Variants in PARVB observed in about 807,000 individuals in gnomAD.
PARVB encodes parvin beta.
In PARVB, 46 loss-of-function variants were observed where a neutral mutation model predicts 47.0. The ratio of observed to expected loss-of-function variants is 0.98; its 90% confidence interval spans 0.77 to 1.25. The LOEUF is 1.25. Among genes scored for constraint, PARVB ranks in the 50% most tolerant of loss-of-function variants. The pLI is 0.00. For missense variants in PARVB, 473 were observed against 471.6 expected, an observed-to-expected ratio of 1.00 and a Z score of -0.03; for synonymous variants, 196 against 196.3, an observed-to-expected ratio of 1.00 and a Z score of 0.01.
intron 1 of PARVB, among the ~76,000 whole-genome samples, chr22:44,041,815 G>T (rs2051024140): frequency 6.6e-6 from 1 of 152,290 alleles, no homozygotes; most frequent in South Asian, 2.1e-4. Flanking sequence ...AGCATGGAAG[G>T]CTGAGGCTGC....
At chr22:44,117,820 C>A (rs2052944528) in intron 3 of PARVB, among the ~76,000 whole-genome samples, 1 of 88,442 alleles carries the variant, frequency 1.1e-5, no homozygotes, top group African/African-American at 7.8e-5. Flanking sequence ...GTTACTGGGA[C>A]CAATGAGATC....
At chr22:44,043,360 A>G (rs1449204914) in intron 1 of PARVB, among the ~76,000 whole-genome samples, 1 of 152,110 alleles carries the variant, frequency 6.6e-6, no homozygotes, top group Non-Finnish European at 1.5e-5. Context: ...AAAATCATTG[A>G]ATTGTACACT....
At chr22:44,111,295 A>C (rs1055999559) in intron 3 of PARVB, 1 of 152,252 alleles carries the variant, frequency 6.6e-6, no homozygotes, top group East Asian at 1.9e-4. Context: ...GAGTGACTCA[A>C]GGTCACACAG....
At chr22:44,114,212 T>C (rs1601622783) in intron 3 of PARVB, 2 of 93,152 alleles carry the variant, frequency 2.1e-5, no homozygotes, top group African/African-American at 9.4e-5. Flanking sequence ...ACAGATACAT[T>C]GTTACTAAGT....
chr22:44,084,556 C>T (rs1009019718), intron 1 of PARVB, among the ~76,000 whole-genome samples: 8 of 152,226 alleles, frequency 5.3e-5, no homozygotes, highest in African/African-American at 2.4e-5. Context: ...GCCAAGGGTA[C>T]TCCCAGGTCT....
At chr22:44,014,167 G>A (rs527446661) in intron 2 of PARVB, among the ~76,000 whole-genome samples, 9 of 152,314 alleles carry the variant, frequency 5.9e-5, no homozygotes, top group African/African-American at 9.6e-5. Flanking sequence ...CAATGTTTCC[G>A]TTTGTTCAAA....
chr22:44,094,403 TA>T (rs879321179), intron 2 of PARVB, among the ~76,000 whole-genome samples: 1 of 152,058 alleles, frequency 6.6e-6, no homozygotes, highest in South Asian at 2.1e-4. Flanking sequence ...CGCCACACCA[TA>T]GCACACCATG....
chr22:44,131,432 G>C lies in PARVB; in HGVS notation c.377-55G>C, dbSNP rs951314723. ...GCTGGGATTACAGGCATGAGCCACT[G>C]CGCCTGGCCCTTCCAGCTTTTTCTG... is the stretch of plus-strand genomic sequence containing the variant. On this transcript the variant is annotated intron_variant, in intron 4 of 12. Transcript: ENST00000338758. 4.4e-6 allele frequency: 7 copies of C among 1,592,106 alleles called. No individual in the cohort carries two copies. In the East Asian group the frequency reaches 1.6e-4, roughly 36 times the overall value.
chr22:44,090,122 T>C (rs1160075708), intron 1 of PARVB, among the ~76,000 whole-genome samples: 1 of 152,208 alleles, frequency 6.6e-6, no homozygotes, highest in Non-Finnish European at 1.5e-5. Context: ...GTGAGGAAGT[T>C]CCTGTGAGGC....
chr22:44,075,124 T>C (rs543131505), intron 1 of PARVB, among the ~76,000 whole-genome samples: 10 of 152,078 alleles, frequency 6.6e-5, no homozygotes, highest in Admixed American at 6.5e-4. Flanking sequence ...TCGTCCCCAG[T>C]TGAGATCCGC....
At chr22:44,018,221 G>A (rs1032571545) in intron 2 of PARVB, among the ~76,000 whole-genome samples, 5 of 152,048 alleles carry the variant, frequency 3.3e-5, no homozygotes, top group African/African-American at 1.2e-4. Flanking sequence ...GGCCAACATG[G>A]TGAAACCCTG....
In PARVB at chr22:44,036,452, C is replaced by A. The variant is rs1424660923; in HGVS notation, c.112+12001C>A. Among the ~76,000 whole-genome samples, 6 of 151,898 alleles carry A rather than the reference C, an allele frequency of 4.0e-5. No individual in the cohort carries two copies. In the East Asian group the frequency reaches 9.7e-4, roughly 24 times the overall value. ...GATGAGTATCTACATATATTTTATG[C>A]ATTTGTCGCATATCTAACTTTTTCT... On this transcript the variant is annotated intron_variant, in intron 1 of 12. Transcript: ENST00000338758.
At chr22:44,099,973 A>G (rs986925199) in intron 2 of PARVB, 80 bp from the exon 3 acceptor site, 2 of 1,110,382 alleles carry the variant, frequency 1.8e-6, no homozygotes, top group Non-Finnish European at 1.4e-6. Context: ...TTTGTCAGAG[A>G]TGAGTTGGCC....
chr22:44,162,309 A>AT (rs1044777937), intron 11 of PARVB, among the ~76,000 whole-genome samples: 5 of 152,170 alleles, frequency 3.3e-5, no homozygotes, highest in South Asian at 2.1e-4. Context: ...CGTTGAAAGG[A>AT]TTTTTTGTTT....
At chr22:44,039,703 T>C in intron 1 of PARVB, 1 of 373,704 alleles carries the variant, frequency 2.7e-6, no homozygotes, top group South Asian at 1.9e-5. Context: ...GGAATGATCC[T>C]GGGCAGTGTC....
rs541980315 is a variant in PARVB at position 44,168,401 on chromosome 22, G to T, written c.1019-201G>T. The T allele has an allele frequency of 5.4e-5, 30 of 551,004 alleles. 1 individual carries two copies. The South Asian group carries it at 6.0e-4, about 11-fold the overall frequency. The allele number at this position is 551,004 out of a possible 1,614,324, so 34.1% of individuals were successfully genotyped here. On this transcript the variant is annotated intron_variant, in intron 12 of 12. Coordinates refer to ENST00000338758, the MANE Select transcript of PARVB (RefSeq NM_013327.5). ...CTGTCCCCGCAGGGTGTCAGCCCGC[G>T]CCAGGAGCTCTCACAAAACCTGTGT...
At chr22:44,111,099 T>C (rs934664262) in intron 3 of PARVB, 1 of 152,034 alleles carries the variant, frequency 6.6e-6, no homozygotes, top group Non-Finnish European at 1.5e-5. Context: ...GGCTTCTCTG[T>C]GTTTTTCATT....
At chr22:44,149,775 C>G (rs987438838) in intron 9 of PARVB, 5 of 126,582 alleles carry the variant, frequency 4.0e-5, no homozygotes, top group African/African-American at 1.3e-4. Flanking sequence ...AGGGGTGGAG[C>G]TCTCTGTGTT....
intron 4 of PARVB, among the ~76,000 whole-genome samples, chr22:44,122,500 G>GAGAGAGAGAGACAGAGAGAC (rs1569134115): frequency 1.0e-4 from 9 of 88,824 alleles, no homozygotes; most frequent in African/African-American, 7.9e-4. Context: ...GAGAGAGAGA[G>GAGAGAGAGAGACAGAGAGAC]AGAGAGAGAG....
Sources: allele counts gnomAD v4.1 joint callset (sites outside exome capture counted in the v4.1 genomes callset), GRCh38; gene constraint gnomAD v4.1.1; transcripts MANE v1.5; gene names NCBI Gene and HGNC (gene_info 2026-07-23, HGNC 2026-07-21).